FNBP1L: variants seen among roughly 807,000 people sequenced by gnomAD.
The protein encoded by FNBP1L is formin binding protein 1 like, also known as formin-binding protein 1-like.
In FNBP1L, 36 loss-of-function variants were observed where a neutral mutation model predicts 91.2. That is an observed-to-expected ratio of 0.39 (90% confidence interval 0.30 to 0.52). The LOEUF is 0.52. Ranked by LOEUF, FNBP1L falls within the 20% of genes least tolerant of loss-of-function variation. The probability of loss-of-function intolerance (pLI) is 0.66; values close to 1 mark genes in which losing one functional copy is unlikely to be tolerated. For synonymous variants in FNBP1L, 242 were observed against 237.0 expected, an observed-to-expected ratio of 1.02 and a Z score of -0.19; for missense variants, 571 against 732.1, an observed-to-expected ratio of 0.78 and a Z score of 2.54.
In FNBP1L at chr1:93,498,092, A is replaced by G. The variant is rs548251579; in HGVS notation, c.25-1376A>G. 4.1e-4 allele frequency among the ~76,000 whole-genome samples: 63 copies of G among 152,180 alleles called. 1 individual carries two copies. The highest frequency in any genetic ancestry group is 1.2e-3 in the Admixed American group (19 of 15,290). On this transcript the variant is annotated intron_variant, in intron 1 of 16. Transcript: ENST00000271234. ...ATTTAATATATAAATAACTACATAT[A>G]ATTGTTTTTGTTCAGGTTTTTTACT...
At chr1:93,510,036 G>A (rs1252281489) in intron 2 of FNBP1L, among the ~76,000 whole-genome samples, 2 of 152,184 alleles carry the variant, frequency 1.3e-5, no homozygotes, top group African/African-American at 4.8e-5. Context: ...GGCTGGGGGA[G>A]GGGCGCCCGC....
In FNBP1L at chr1:93,552,468, G is replaced by C; in HGVS notation, c.*52G>C. ...ATGTTGAAGGAGGTTACATGCAGCTGCTTTTGGGGGAGGGTATTAGAGTTG... is the reference window on the plus strand; with the variant it reads ...ATGTTGAAGGAGGTTACATGCAGCTCCTTTTGGGGGAGGGTATTAGAGTTG... On this transcript the variant is annotated 3_prime_UTR_variant, in exon 17 of 17. Transcript: ENST00000271234. 1 of 1,606,218 alleles carries C rather than the reference G, an allele frequency of 6.2e-7. No individual in the cohort carries two copies. Among genetic ancestry groups the C allele is most frequent in the Non-Finnish European group, 8.5e-7 (1 of 1,174,804 alleles).
intron 1 of FNBP1L, among the ~76,000 whole-genome samples, chr1:93,454,275 A>G (rs1338965881): frequency 6.6e-6 from 1 of 152,124 alleles, no homozygotes; most frequent in Admixed American, 6.6e-5. Context: ...CAGGCAGGCA[A>G]AGAGGTTGGT....
intron 10 of FNBP1L, among the ~76,000 whole-genome samples, chr1:93,539,344 A>G (rs1045757890): frequency 3.3e-5 from 5 of 151,898 alleles, no homozygotes; most frequent in Non-Finnish European, 7.4e-5. Context: ...GTTTATGAGT[A>G]TATAATTGTA....
At chr1:93,509,093 C>CT (rs1670729209) in intron 2 of FNBP1L, among the ~76,000 whole-genome samples, 1 of 152,096 alleles carries the variant, frequency 6.6e-6, no homozygotes. Flanking sequence ...ATGTGGTCAC[C>CT]GTGACCACAG....
intron 5 of FNBP1L, among the ~76,000 whole-genome samples, chr1:93,529,367 C>A (rs1248176714): frequency 1.3e-5 from 2 of 151,986 alleles, no homozygotes; most frequent in African/African-American, 4.8e-5. Context: ...TTAGAAAGGA[C>A]AAATTTTACT....
intron 15 of FNBP1L, among the ~76,000 whole-genome samples, chr1:93,549,993 TCTC>T (rs1012669290): frequency 8.5e-5 from 13 of 152,180 alleles, no homozygotes; most frequent in South Asian, 2.1e-4. Context: ...ACTGAGGCCT[TCTC>T]CTGCAGATTT....
intron 1 of FNBP1L, among the ~76,000 whole-genome samples, chr1:93,465,913 G>A (rs1451837849): frequency 1.3e-5 from 2 of 152,178 alleles, no homozygotes; most frequent in Non-Finnish European, 2.9e-5. Flanking sequence ...GCGTGAGATA[G>A]TATCTCATTG....
intron 1 of FNBP1L, among the ~76,000 whole-genome samples, chr1:93,474,452 G>A (rs1557780680): frequency 6.6e-6 from 1 of 152,292 alleles, no homozygotes; most frequent in South Asian, 2.1e-4. Context: ...TAAGTATTGA[G>A]ATAAGATAAG....
At chr1:93,466,301 C>G (rs1288139000) in intron 1 of FNBP1L, among the ~76,000 whole-genome samples, 1 of 152,062 alleles carries the variant, frequency 6.6e-6, no homozygotes, top group African/African-American at 2.4e-5. Flanking sequence ...AAAGGTATTG[C>G]CTAGGTTTTC....
At chr1:93,471,968 A>G (rs567620999) in intron 1 of FNBP1L, among the ~76,000 whole-genome samples, 1 of 152,220 alleles carries the variant, frequency 6.6e-6, no homozygotes, top group East Asian at 1.9e-4. Flanking sequence ...GATTATTGTG[A>G]TTCTTGCCTG....
chr1:93,543,594 T>A (rs1672119861), intron 11 of FNBP1L, among the ~76,000 whole-genome samples: 1 of 152,220 alleles, frequency 6.6e-6, no homozygotes, highest in Non-Finnish European at 1.5e-5. Context: ...TTCATTAGAT[T>A]GTCTTTGTGA....
intron 1 of FNBP1L, among the ~76,000 whole-genome samples, chr1:93,492,925 T>TA (rs1477960146): frequency 2.0e-5 from 3 of 152,152 alleles, no homozygotes; most frequent in Admixed American, 6.5e-5. Context: ...CAATGTTTAT[T>TA]AACAAAGAAA....
In FNBP1L at chr1:93,552,792, A is replaced by T. The variant is rs1672456007; in HGVS notation, c.*376A>T. 1 of 184,250 alleles carries T rather than the reference A, an allele frequency of 5.4e-6. No homozygotes were observed. The highest frequency in any genetic ancestry group is 1.3e-4 in the East Asian group (1 of 7,538). 11.4% of individuals were successfully genotyped at this position (184,250 alleles called of 1,614,324 possible). On this transcript the variant is annotated 3_prime_UTR_variant, in exon 17 of 17. Transcript: ENST00000271234. Reference sequence around the variant, plus strand: ...CAGCTCTGTTTTAATTGGCTTTTAGACCCACTATCTGTCAGATCCTTGCCA... The same window carrying T: ...CAGCTCTGTTTTAATTGGCTTTTAGTCCCACTATCTGTCAGATCCTTGCCA...
At chr1:93,472,987 TTA>T (rs1233152081) in intron 1 of FNBP1L, among the ~76,000 whole-genome samples, 3 of 152,136 alleles carry the variant, frequency 2.0e-5, no homozygotes, top group African/African-American at 7.2e-5. Context: ...GTATGACTGT[TTA>T]TGTTTCTCAT....
intron 1 of FNBP1L, among the ~76,000 whole-genome samples, chr1:93,473,162 CTG>C (rs1570776792): frequency 6.6e-6 from 1 of 151,672 alleles, no homozygotes; most frequent in African/African-American, 2.4e-5. Context: ...GTATCTTGCT[CTG>C]TTATCTTTAT....
chr1:93,542,443 GAA>G (rs61650755), intron 11 of FNBP1L, among the ~76,000 whole-genome samples: 20 of 82,556 alleles, frequency 2.4e-4, no homozygotes, highest in African/African-American at 7.4e-4. Flanking sequence ...ATTGGTAAAT[GAA>G]AAAAAAAAAA....
At chr1:93,449,537 C>A (rs1418486701) in intron 1 of FNBP1L, among the ~76,000 whole-genome samples, 2 of 152,146 alleles carry the variant, frequency 1.3e-5, no homozygotes, top group African/African-American at 2.4e-5. Context: ...TTTTTCACGT[C>A]TACTCATAGA....
At chr1:93,514,410 A>G (rs1450976073) in intron 2 of FNBP1L, among the ~76,000 whole-genome samples, 1 of 107,236 alleles carries the variant, frequency 9.3e-6, no homozygotes, top group Non-Finnish European at 2.4e-5. Context: ...AGAATTGGAA[A>G]AAACTACTTT....
Sources: allele counts gnomAD v4.1 joint callset (sites outside exome capture counted in the v4.1 genomes callset), GRCh38; gene constraint gnomAD v4.1.1; transcripts MANE v1.5; gene names NCBI Gene and HGNC (gene_info 2026-07-23, HGNC 2026-07-21).